The following LRCH2 variants were observed in gnomAD, a reference collection of about 807,000 sequenced individuals.
LRCH2 encodes the protein leucine rich repeats and calponin homology domain containing 2.
A neutral mutation model predicts 68.9 loss-of-function variants in LRCH2; 38 were observed. The ratio of observed to expected loss-of-function variants is 0.55; its 90% CI spans 0.43 to 0.72. The LOEUF is 0.72. Among genes scored for constraint, LRCH2 ranks in the 30% least tolerant of loss-of-function variants. The pLI is 0.00. For missense variants in LRCH2, 528 were observed against 572.9 expected (o/e 0.92, Z 0.80); for synonymous variants, 191 against 208.1 (o/e 0.92, Z 0.71).
intron 10 of LRCH2, 55 bp downstream of exon 10, chrX:115,165,350 T>G: frequency 1.2e-6 from 1 of 851,512 alleles, no homozygotes; most frequent in East Asian, 3.5e-5. Context: ...AGTAGGAATA[T>G]CTAATGAATG....
chrX:115,151,263 G>A (rs1441867244), intron 12 of LRCH2, among the ~76,000 whole-genome samples: 2 of 111,048 alleles, frequency 1.8e-5, no homozygotes, highest in African/African-American at 3.3e-5. Flanking sequence ...TGGAAGAGGA[G>A]TACAGGACCA....
chrX:115,134,674 G>T (rs2072273508), intron 14 of LRCH2, among the ~76,000 whole-genome samples: 1 of 111,953 alleles, frequency 8.9e-6, no homozygotes, highest in African/African-American at 3.2e-5. Context: ...CAGAAAAAAA[G>T]ATTCCTTTCA....
At chrX:115,116,317 G>A (rs2072082174) in intron 20 of LRCH2, among the ~76,000 whole-genome samples, 1 of 111,309 alleles carries the variant, frequency 9.0e-6, no homozygotes, top group African/African-American at 3.2e-5. Context: ...TCTATCAACT[G>A]ATGAATGGAT....
intron 5 of LRCH2, among the ~76,000 whole-genome samples, chrX:115,174,875 C>A (rs1346799694): frequency 1.8e-5 from 2 of 111,342 alleles, no homozygotes; most frequent in Non-Finnish European, 3.8e-5. Flanking sequence ...TGACTGGTGG[C>A]TGGGAGCTCC....
At chrX:115,210,595 C>A (rs868919422) in intron 1 of LRCH2, among the ~76,000 whole-genome samples, 1 of 111,902 alleles carries the variant, frequency 8.9e-6, no homozygotes, top group Non-Finnish European at 1.9e-5. Context: ...AGGCCCCACA[C>A]AAAGTCCCCA....
intron 5 of LRCH2, among the ~76,000 whole-genome samples, chrX:115,173,083 G>A (rs2072617064): frequency 9.0e-6 from 1 of 111,519 alleles, no homozygotes; most frequent in Non-Finnish European, 1.9e-5. Context: ...AAGCCATGCT[G>A]ATTAGCACTC....
chrX:115,216,675 T>A (rs1421936358), intron 1 of LRCH2, among the ~76,000 whole-genome samples: 3 of 111,907 alleles, frequency 2.7e-5, no homozygotes, highest in African/African-American at 9.8e-5. Context: ...TGTAAATTAG[T>A]ACAACCCCTG....
intron 14 of LRCH2, among the ~76,000 whole-genome samples, chrX:115,137,115 T>C (rs2072296736): frequency 1.8e-5 from 2 of 111,370 alleles, no homozygotes; most frequent in South Asian, 3.8e-4. Context: ...AGTCAACCTA[T>C]GGTGCTACTG....
intron 1 of LRCH2, among the ~76,000 whole-genome samples, chrX:115,220,419 A>C (rs2073070491): frequency 8.9e-6 from 1 of 112,017 alleles, no homozygotes; most frequent in Non-Finnish European, 1.9e-5. Flanking sequence ...GGCTTTTTGC[A>C]AGAGAAGAAG....
chrX:115,131,868 AT>A (rs1181706467), intron 14 of LRCH2, among the ~76,000 whole-genome samples: 5 of 111,232 alleles, frequency 4.5e-5, no homozygotes, highest in Admixed American at 9.5e-5. Context: ...GATGATGAGC[AT>A]TTTTTCATGT....
At chrX:115,113,603 T>C (rs1247013175) in intron 20 of LRCH2, among the ~76,000 whole-genome samples, 1 of 111,380 alleles carries the variant, frequency 9.0e-6, no homozygotes, top group Non-Finnish European at 1.9e-5. Context: ...ATAAAAGAGT[T>C]GGTCACCACT....
At position 115,184,438 on chromosome X, in the gene LRCH2, A is replaced by G; in HGVS notation, c.594T>C (p.Ile198=). 8.5e-7 allele frequency: 1 copy of G among 1,180,449 alleles called. No individual in the cohort carries two copies. Among genetic ancestry groups the G allele is most frequent in the Non-Finnish European group, 1.1e-6 (1 of 879,415 alleles). The change falls in exon 3 of 21, where the codon ATT becomes ATC. Residue 198 remains isoleucine, a synonymous_variant. Coordinates refer to ENST00000317135, the MANE Select transcript of LRCH2 (RefSeq NM_020871.4). ...ATTCCATTAAATCTTTTAACTTCCC[A>G]ATTTCTTCTGGAATGGATACCAGTT... The part of the protein sequence containing the change: ...NNKLVSIPEE[I]GKLKDLMELD...
intron 5 of LRCH2, among the ~76,000 whole-genome samples, chrX:115,178,156 TAAGG>T (rs1456647757): frequency 9.0e-6 from 1 of 110,710 alleles, no homozygotes; most frequent in East Asian, 2.9e-4. Flanking sequence ...GGAGAAAACC[TAAGG>T]ATCTACCTAC....
chrX:115,140,994 A>T lies in LRCH2; in HGVS notation c.1695+8833T>A, dbSNP rs1041521461. Among the ~76,000 whole-genome samples, 7 of 109,957 alleles carry T rather than the reference A, an allele frequency of 6.4e-5. No individual in the cohort carries two copies. In the Admixed American group the frequency reaches 6.8e-4, roughly 11 times the overall value. ...ATGCCTGTAATTCCAGCACTTTGGG[A>T]GGCCGAGAGGGGTGGATCACGAGGT... On this transcript the variant is annotated intron_variant, in intron 14 of 20. Transcript: ENST00000317135.
chrX:115,230,636 T>C (rs1556578180), intron 1 of LRCH2, among the ~76,000 whole-genome samples: 1 of 111,815 alleles, frequency 8.9e-6, no homozygotes. Context: ...GAAAAGATTT[T>C]GCTGCTACAT....
intron 1 of LRCH2, 111 bp downstream of exon 1, chrX:115,233,582 G>C (rs1055768533): frequency 1.2e-6 from 1 of 802,316 alleles, no homozygotes; most frequent in Non-Finnish European, 1.7e-6. Context: ...TTAGTCTGGC[G>C]GTCCCCGCGC....
chrX:115,117,624 G>T (rs148974895), intron 20 of LRCH2, among the ~76,000 whole-genome samples: 277 of 111,177 alleles, frequency 2.5e-3, no homozygotes, highest in African/African-American at 8.3e-3. Flanking sequence ...AACAGCAATG[G>T]TCTATTCATA....
At chrX:115,206,501 C>T (rs1179694414) in intron 1 of LRCH2, among the ~76,000 whole-genome samples, 2 of 112,508 alleles carry the variant, frequency 1.8e-5, no homozygotes, top group African/African-American at 6.5e-5. Flanking sequence ...ATAGCATGAG[C>T]GATCTGTGCC....
At chrX:115,196,674 G>A (rs782100223) in intron 1 of LRCH2, among the ~76,000 whole-genome samples, 1 of 111,518 alleles carries the variant, frequency 9.0e-6, no homozygotes, top group South Asian at 3.9e-4. Context: ...AGTTTGCACA[G>A]CCTGTTGCAA....
Sources: allele counts gnomAD v4.1 joint callset (sites outside exome capture counted in the v4.1 genomes callset), GRCh38; gene constraint gnomAD v4.1.1; transcripts MANE v1.5; gene names NCBI Gene and HGNC (gene_info 2026-07-23, HGNC 2026-07-21).